The following CDH23 variants were observed in gnomAD, a reference collection of about 807,000 sequenced individuals.
CDH23 encodes the protein cadherin-23.
A neutral mutation model predicts 317.1 loss-of-function variants in CDH23; 189 were observed. The ratio of observed to expected loss-of-function variants is 0.60; its 90% CI spans 0.53 to 0.67. CDH23 has a LOEUF of 0.67. Among genes scored for constraint, CDH23 ranks in the 30% least tolerant of loss-of-function variants. CDH23 has a pLI of 0.00. For missense variants in CDH23, 4,401 were observed against 4,592.4 expected, an observed-to-expected ratio of 0.96 and a Z score of 1.20; for synonymous variants, 1,839 against 1,876.8, an observed-to-expected ratio of 0.98 and a Z score of 0.52.
At chr10:71,752,565 C>G (rs1400482506) in intron 38 of CDH23, among the ~76,000 whole-genome samples, 1 of 152,220 alleles carries the variant, frequency 6.6e-6, no homozygotes, top group East Asian at 1.9e-4. Context: ...CCCTCAGCCT[C>G]TGCCCTTGTG....
intron 3 of CDH23, among the ~76,000 whole-genome samples, chr10:71,489,818 T>C (rs1025777081): frequency 6.6e-6 from 1 of 152,202 alleles, no homozygotes; most frequent in Non-Finnish European, 1.5e-5. Context: ...ACCCAGGCCG[T>C]GTGAATTTGG....
chr10:71,422,343 C>T (rs1386411559), intron 1 of CDH23, among the ~76,000 whole-genome samples: 1 of 152,242 alleles, frequency 6.6e-6, no homozygotes, highest in Non-Finnish European at 1.5e-5. Context: ...GCCATTGTCA[C>T]TTACTTCTGT....
At chr10:71,502,569 G>A (rs931479440) in intron 3 of CDH23, among the ~76,000 whole-genome samples, 4 of 152,206 alleles carry the variant, frequency 2.6e-5, no homozygotes, top group African/African-American at 9.7e-5. Context: ...GTGCAGAGGT[G>A]CAAACAATGA....
At position 71,695,346 on chromosome 10, in the gene CDH23, T is replaced by C. The variant is rs918337959; in HGVS notation, c.2290-72T>C. 8.2e-6 allele frequency: 9 copies of C among 1,102,356 alleles called. No homozygotes were observed. In the Admixed American group the frequency reaches 8.5e-5, roughly 10 times the overall value. The allele number at this position is 1,102,356 out of a possible 1,614,324, so 68.3% of individuals were successfully genotyped here. A position where few individuals can be genotyped will look rare whatever the true frequency, so the allele number is the denominator to read the frequency against. On this transcript the variant is annotated intron_variant, in intron 21 of 69. Transcript: ENST00000224721. ...GATTGCCCGTGGGCATCTGAGCACT[T>C]TTCCCCTGGCAGGCCCTGCCCTGGC...
intron 18 of CDH23, among the ~76,000 whole-genome samples, chr10:71,683,651 G>A (rs953049387): frequency 4.6e-5 from 7 of 152,138 alleles, no homozygotes; most frequent in East Asian, 1.9e-4. Context: ...ATTTAGGGGG[G>A]GCCAGGAGGA....
Position 71,405,962 on chromosome 10 carries a change from A to G in CDH23, c.-6+8644A>G, listed in dbSNP as rs1848076778. ...CCAGTAGAAAAATAATGCAAGCCAC[A>G]TGTGCAGTTTTAAATTTTCTAGTGT... On this transcript the variant is annotated intron_variant, in intron 1 of 69. Transcript: ENST00000224721. Among the ~76,000 whole-genome samples, 3 of 152,146 alleles carry G rather than the reference A, an allele frequency of 2.0e-5. No individual in the cohort carries two copies. In the South Asian group the frequency reaches 6.2e-4, roughly 32 times the overall value.
At chr10:71,713,465 TG>T in intron 28 of CDH23, 1 of 583,402 alleles carries the variant, frequency 1.7e-6, no homozygotes, top group South Asian at 2.1e-5. Flanking sequence ...GCCTGCCCAC[TG>T]GGGCAGGCTC....
At chr10:71,507,520 C>T (rs1022722521) in intron 3 of CDH23, among the ~76,000 whole-genome samples, 2 of 152,124 alleles carry the variant, frequency 1.3e-5, no homozygotes, top group Middle Eastern at 3.2e-3. Flanking sequence ...GATGAAACCC[C>T]ATCTCTACTA....
At position 71,620,275 on chromosome 10, in the gene CDH23, C is replaced by T. The variant is rs540898432; in HGVS notation, c.1134+2882C>T. Among the ~76,000 whole-genome samples, 30 of 152,192 alleles carry T rather than the reference C, an allele frequency of 2.0e-4. 1 individual carries two copies. Among genetic ancestry groups the T allele is most frequent in the South Asian group, 4.1e-4 (2 of 4,824 alleles). On this transcript the variant is annotated intron_variant, in intron 11 of 69. Coordinates refer to ENST00000224721, the MANE Select transcript of CDH23 (RefSeq NM_022124.6). ...AGGCCAGGAAGCGTGGGGAAGGTGC[C>T]GAGTAGTTGTCTCTGCCACAGAGAA...
At chr10:71,614,389 C>T (rs1487044171) in intron 9 of CDH23, among the ~76,000 whole-genome samples, 2 of 152,218 alleles carry the variant, frequency 1.3e-5, no homozygotes, top group Admixed American at 1.3e-4. Context: ...GTGAAGAAGA[C>T]AGCAGAGTGG....
At chr10:71,583,685 G>A (rs942998362) in intron 9 of CDH23, among the ~76,000 whole-genome samples, 9 of 152,160 alleles carry the variant, frequency 5.9e-5, no homozygotes, top group Admixed American at 1.3e-4. Context: ...ATCTGCTGTC[G>A]TCCGCAGCTC....
chr10:71,784,403 C>A lies in CDH23; in HGVS notation c.5485C>A (p.Pro1829Thr). The change falls in exon 42 of 70, where the codon CCC (proline) becomes ACC (threonine). Residue 1829 changes from proline to threonine, a missense_variant. This residue lies in a region of CDH23 where 3,068 missense variants were observed against 3,203.3 expected (regional missense o/e 0.96). Coordinates refer to ENST00000224721, the MANE Select transcript of CDH23 (RefSeq NM_022124.6). ...LTICARDRGM[P>T]PLSSTMLVGI... ...CATCTGTGCCCGTGACCGGGGGATG[C>A]CCCCACTCAGCTCCACAGTGAGTCT... 3 of 1,613,340 alleles carry A rather than the reference C, an allele frequency of 1.9e-6. No individual in the cohort carries two copies. The highest frequency in any genetic ancestry group is 2.5e-6 in the Non-Finnish European group (3 of 1,179,506).
At position 71,646,475 on chromosome 10, in the gene CDH23, G is replaced by GCC; in HGVS notation, c.1307_1308insCC (p.Val437LeufsTer11). 6.2e-7 allele frequency: 1 copy of GCC among 1,613,660 alleles called. No individual in the cohort carries two copies. The highest frequency in any genetic ancestry group is 1.7e-5 in the Admixed American group (1 of 60,004). ...CACCCCCAGCTCTTTGCCAATGAGA[G>GCC]TGTGCCTGACCATGTGGGCTATGCC... On this transcript the variant is annotated frameshift_variant, in exon 14 of 70. Transcript: ENST00000224721. LOFTEE classifies it high-confidence loss of function.
intron 44 of CDH23, among the ~76,000 whole-genome samples, chr10:71,786,272 C>G (rs1278919273): frequency 6.6e-6 from 1 of 152,176 alleles, no homozygotes; most frequent in East Asian, 1.9e-4. Context: ...GGGGTCAGCT[C>G]TGTCCTTCCA....
At chr10:71,417,763 T>G (rs1001267602) in intron 1 of CDH23, among the ~76,000 whole-genome samples, 1 of 135,888 alleles carries the variant, frequency 7.4e-6, no homozygotes, top group Non-Finnish European at 1.6e-5. Context: ...GTGCTCACCA[T>G]GATGCCTGGC....
At chr10:71,792,243 T>C (rs1841270680) in intron 47 of CDH23, among the ~76,000 whole-genome samples, 2 of 152,164 alleles carry the variant, frequency 1.3e-5, no homozygotes, top group African/African-American at 4.8e-5. Context: ...ATCCAATTAT[T>C]ATAATCTGTA....
In CDH23 at chr10:71,677,589, A is replaced by G; in HGVS notation, c.1648A>G (p.Asn550Asp). ...GEETTGRVRI[N>D]VLDVNDNVPT... ...GGAGACCACAGGCCGGGTCAGGATC[A>G]ATGTGTTGGATGTCAACGACAACGT... Residue 550 changes from asparagine (N) to aspartate (D), a missense_variant, in exon 16 of 70, where the codon AAT becomes GAT. Physicochemically the swap from Asn to Asp is conservative, Grantham distance 23. Around this residue, in one of 3 missense-constraint regions of CDH23, gnomAD observed 3,068 missense variants for 3,203.3 expected, o/e 0.96. Transcript: ENST00000224721. 6.2e-7 allele frequency: 1 copy of G among 1,609,182 alleles called. No individual in the cohort carries two copies. Among genetic ancestry groups the G allele is most frequent in the East Asian group, 2.2e-5 (1 of 44,740 alleles).
At chr10:71,812,925 T>C in intron 68 of CDH23, 35 bp downstream of exon 68, 1 of 1,607,636 alleles carries the variant, frequency 6.2e-7, no homozygotes, top group Non-Finnish European at 8.5e-7. Flanking sequence ...GCCCAGTCCC[T>C]TGGCTGAGGT....
intron 2 of CDH23, among the ~76,000 whole-genome samples, chr10:71,444,170 G>A (rs1051932792): frequency 9.2e-5 from 14 of 152,272 alleles, no homozygotes; most frequent in South Asian, 2.1e-4. Flanking sequence ...CAAAGGCAGC[G>A]TATTTATTAA....
Sources: gnomAD v4.1 joint callset for allele counts (sites outside exome capture counted in the v4.1 genomes callset) on GRCh38, gnomAD v4.1.1 for gene constraint, gnomAD v4.1.1 regional missense constraint, MANE v1.5 for transcripts, NCBI Gene and HGNC (gene_info 2026-07-23, HGNC 2026-07-21) for gene names.